CNTN5: variants seen among roughly 807,000 people sequenced by gnomAD.
CNTN5 encodes the protein contactin-5.
In CNTN5, 77 loss-of-function variants were observed where a neutral mutation model predicts 129.1. The ratio of observed to expected loss-of-function variants is 0.60; its 90% CI spans 0.50 to 0.72. The LOEUF is 0.72. Among genes scored for constraint, CNTN5 ranks in the 30% least tolerant of loss-of-function variants. The probability of loss-of-function intolerance (pLI) is 0.00; values close to 1 mark genes in which losing one functional copy is unlikely to be tolerated. For missense variants in CNTN5, 1,478 were observed against 1,328.8 expected (o/e 1.11, Z -1.75); for synonymous variants, 509 against 465.6 (o/e 1.09, Z -1.20).
At chr11:99,154,658 C>G (rs1159135046) in intron 1 of CNTN5, among the ~76,000 whole-genome samples, 1 of 152,136 alleles carries the variant, frequency 6.6e-6, no homozygotes, top group Non-Finnish European at 1.5e-5. Context: ...TGGGGCCAGT[C>G]TGCTGGAGCT....
intron 1 of CNTN5, among the ~76,000 whole-genome samples, chr11:99,118,974 A>G (rs1858174952): frequency 6.6e-6 from 1 of 151,924 alleles, no homozygotes; most frequent in Non-Finnish European, 1.5e-5. Flanking sequence ...AATATTTTGG[A>G]TTGAGTGAAT....
At position 100,320,298 on chromosome 11, in the gene CNTN5, A is replaced by G. The variant is rs1387143543; in HGVS notation, c.2730+11830A>G. Among the ~76,000 whole-genome samples the G allele has an allele frequency of 2.0e-5, 3 of 152,152 alleles. No homozygotes were observed. In the East Asian group the frequency reaches 5.8e-4, roughly 29 times the overall value. ...CTTTTCATTTCCCTGATGATTAGTG[A>G]GATTGAGCATTTTTCCATATACCTG... is the stretch of plus-strand genomic sequence containing the variant. On this transcript the variant is annotated intron_variant, in intron 21 of 24. Transcript: ENST00000524871.
chr11:99,895,048 A>G (rs180856073), intron 6 of CNTN5, among the ~76,000 whole-genome samples: 126 of 152,360 alleles, frequency 8.3e-4, no homozygotes, highest in African/African-American at 2.7e-3. Flanking sequence ...GAAAAGGCAC[A>G]TCGCATTTGA....
intron 13 of CNTN5, among the ~76,000 whole-genome samples, chr11:100,120,125 C>A (rs920159377): frequency 2.0e-5 from 3 of 151,668 alleles, no homozygotes; most frequent in African/African-American, 7.3e-5. Flanking sequence ...CTTATTTAGT[C>A]CCCAGATGTG....
chr11:99,202,284 G>A (rs1859248338), intron 1 of CNTN5, among the ~76,000 whole-genome samples: 1 of 152,224 alleles, frequency 6.6e-6, no homozygotes, highest in South Asian at 2.1e-4. Context: ...TGCCTAGCAT[G>A]CTCATGGCAT....
chr11:99,949,477 T>C (rs1464381588), intron 7 of CNTN5, among the ~76,000 whole-genome samples: 3 of 152,132 alleles, frequency 2.0e-5, no homozygotes, highest in African/African-American at 7.2e-5. Context: ...ATTTGGGGGC[T>C]TTATCAGTGA....
intron 1 of CNTN5, among the ~76,000 whole-genome samples, chr11:99,277,842 G>T (rs934260970): frequency 2.0e-5 from 3 of 151,612 alleles, no homozygotes; most frequent in African/African-American, 7.3e-5. Context: ...GTTGACTAGT[G>T]TCTTCTACAG....
chr11:99,712,131 C>G (rs1955018514), intron 3 of CNTN5, among the ~76,000 whole-genome samples: 2 of 152,132 alleles, frequency 1.3e-5, no homozygotes, highest in African/African-American at 4.8e-5. Flanking sequence ...TCCACGTCCT[C>G]TCCAGCATCT....
Position 99,708,378 on chromosome 11 carries a change from G to A in CNTN5, c.56-111166G>A, listed in dbSNP as rs547003854. On this transcript the variant is annotated intron_variant, in intron 3 of 24. Coordinates refer to ENST00000524871, the MANE Select transcript of CNTN5 (RefSeq NM_014361.4). Reference sequence around the variant, plus strand: ...AATGCTTTAAATACATGCATTTGACGTTTGCATGACAAAGACAAATACATT... The same window carrying A: ...AATGCTTTAAATACATGCATTTGACATTTGCATGACAAAGACAAATACATT... 2.2e-4 allele frequency among the ~76,000 whole-genome samples: 34 copies of A among 151,684 alleles called. No homozygotes were observed. The South Asian group carries it at 5.4e-3, about 24-fold the overall frequency.
chr11:100,253,994 C>T (rs1271277737), intron 16 of CNTN5, among the ~76,000 whole-genome samples: 1 of 152,094 alleles, frequency 6.6e-6, no homozygotes, highest in Admixed American at 6.6e-5. Flanking sequence ...CAGCCCCATT[C>T]TGGCTTCCTC....
chr11:100,020,321 C>G (rs1941065519), intron 9 of CNTN5, among the ~76,000 whole-genome samples: 3 of 151,978 alleles, frequency 2.0e-5, no homozygotes, highest in Admixed American at 1.3e-4. Flanking sequence ...TGGGGTGAGA[C>G]AAAGGCCCTA....
At chr11:99,071,206 C>T (rs949253204) in intron 1 of CNTN5, among the ~76,000 whole-genome samples, 2 of 152,098 alleles carry the variant, frequency 1.3e-5, no homozygotes, top group African/African-American at 4.8e-5. Flanking sequence ...TACTAGAGGT[C>T]ACTCTACTCT....
chr11:99,695,135 G>A (rs933571167), intron 3 of CNTN5, among the ~76,000 whole-genome samples: 9 of 151,772 alleles, frequency 5.9e-5, no homozygotes, highest in Non-Finnish European at 1.0e-4. Context: ...TAGGTAGAAG[G>A]GTAATAGAGA....
At chr11:99,269,158 C>G (rs1407647237) in intron 1 of CNTN5, among the ~76,000 whole-genome samples, 1 of 151,830 alleles carries the variant, frequency 6.6e-6, no homozygotes, top group African/African-American at 2.4e-5. Flanking sequence ...TGCCTGGTGC[C>G]TTAGTCTTAT....
chr11:100,272,973 A>G (rs1950434067), intron 18 of CNTN5, among the ~76,000 whole-genome samples: 1 of 152,078 alleles, frequency 6.6e-6, no homozygotes, highest in Non-Finnish European at 1.5e-5. Flanking sequence ...AGGGATGGCC[A>G]TCCCCCTAGG....
At chr11:100,159,937 C>CAT (rs1234604302) in intron 13 of CNTN5, among the ~76,000 whole-genome samples, 4 of 151,654 alleles carry the variant, frequency 2.6e-5, no homozygotes, top group Non-Finnish European at 4.4e-5. Context: ...TATTTCTTTT[C>CAT]ATATATATAC....
rs749442209 is a variant in CNTN5, at chr11:99,956,852, G to A, written c.720G>A (p.Ala240=). The A allele has an allele frequency of 5.6e-6, 9 of 1,613,816 alleles. No homozygotes were observed. The East Asian group carries it at 8.9e-5, about 16-fold the overall frequency. The change falls in exon 8 of 25, where the codon GCG becomes GCA. Residue 240 remains alanine, a synonymous_variant. Coordinates refer to ENST00000524871, the MANE Select transcript of CNTN5 (RefSeq NM_014361.4). ...TTAATGAGTTCCCTTCCTTTGTGGCGGAAGACAGCCGGCGGTTCATCTCCC... is the reference window on the plus strand; with the variant it reads ...TTAATGAGTTCCCTTCCTTTGTGGCAGAAGACAGCCGGCGGTTCATCTCCC... ...WVFNEFPSFV[A]EDSRRFISQE...
intron 3 of CNTN5, among the ~76,000 whole-genome samples, chr11:99,615,492 G>A (rs1950731896): frequency 6.6e-6 from 1 of 152,108 alleles, no homozygotes; most frequent in African/African-American, 2.4e-5. Flanking sequence ...TGGATGAATA[G>A]TGATATCCCT....
chr11:99,651,309 A>G (rs1235640704), intron 3 of CNTN5, among the ~76,000 whole-genome samples: 1 of 151,932 alleles, frequency 6.6e-6, no homozygotes, highest in Non-Finnish European at 1.5e-5. Flanking sequence ...GCATGTGGCA[A>G]TTGGAGAGTG....
Sources: gnomAD v4.1 joint callset for allele counts (sites outside exome capture counted in the v4.1 genomes callset) on GRCh38, gnomAD v4.1.1 for gene constraint, MANE v1.5 for transcripts, NCBI Gene and HGNC (gene_info 2026-07-23, HGNC 2026-07-21) for gene names.